SNX29: variants seen among roughly 807,000 people sequenced by gnomAD.
SNX29 encodes sorting nexin 29.
Under a neutral mutation model 102.1 loss-of-function variants are expected in SNX29, and 78 were observed. That is an observed-to-expected ratio of 0.76 (90% confidence interval 0.64 to 0.92). SNX29 has a LOEUF of 0.92. SNX29 is among the 40% of genes least tolerant of loss of function. The pLI is 0.00. For missense variants in SNX29, 1,280 were observed against 1,061.7 expected (o/e 1.21, Z -2.86); for synonymous variants, 580 against 414.5 (o/e 1.40, Z -4.85).
Position 12,559,576 on chromosome 16 carries a change from C to T in SNX29, c.2319-8930C>T, listed in dbSNP as rs187694322. Among the ~76,000 whole-genome samples, 72 of 152,072 alleles carry T rather than the reference C, an allele frequency of 4.7e-4. 1 individual carries two copies. In the South Asian group the frequency reaches 9.2e-3, roughly 19 times the overall value. On this transcript the variant is annotated intron_variant, in intron 20 of 20. Coordinates refer to ENST00000566228, the MANE Select transcript of SNX29 (RefSeq NM_032167.5). The stretch of plus-strand genomic sequence containing the variant: ...TGGAAAATTTTTCTTATACATAACT[C>T]ATCCCTGGTGCCAAAAAGGTTGGGG...
Position 12,129,754 on chromosome 16 carries a change from G to A in SNX29, c.1591G>A (p.Ala531Thr), listed in dbSNP as rs1253161618. 1.9e-6 allele frequency: 3 copies of A among 1,606,000 alleles called. No homozygotes were observed. Among genetic ancestry groups the A allele is most frequent in the Admixed American group, 1.7e-5 (1 of 59,192 alleles). The change falls in exon 13 of 21, where the codon GCC becomes ACC. Residue 531 changes from alanine (A) to threonine (T), a missense_variant. Coordinates refer to ENST00000566228, the MANE Select transcript of SNX29 (RefSeq NM_032167.5). ...ERQGMKVQAL[A>T]RENEVLKVQL... The stretch of plus-strand genomic sequence containing the variant: ...GCAGGGCATGAAGGTCCAGGCGCTG[G>A]CCAGGTAGGAGAGGGTGAGGGATGG...
intron 13 of SNX29, among the ~76,000 whole-genome samples, chr16:12,149,009 G>A (rs541784345): frequency 4.6e-5 from 7 of 152,210 alleles, no homozygotes; most frequent in South Asian, 2.1e-4. Flanking sequence ...GCCTGCCTTC[G>A]TCTCATTAGT....
Position 12,277,967 on chromosome 16 carries a change from A to G in SNX29, c.1713A>G (p.Thr571=), listed in dbSNP as rs201272095. 3,335 of 1,609,576 alleles carry G rather than the reference A, an allele frequency of 2.1e-3. 10 individuals carry two copies. Among genetic ancestry groups the G allele is most frequent in the South Asian group, 2.5e-3 (228 of 89,680 alleles). ...PNLWSVDGEV[T]VAEQKPGEIA... Reference sequence around the variant, plus strand: ...TTTGGAGTGTTGATGGAGAAGTTACAGTAGCTGAACAGAAGCCGGGAGAAA... The same window carrying G: ...TTTGGAGTGTTGATGGAGAAGTTACGGTAGCTGAACAGAAGCCGGGAGAAA... Residue 571 remains threonine, a synonymous_variant, in exon 15 of 21, where the codon ACA becomes ACG. Coordinates refer to ENST00000566228, the MANE Select transcript of SNX29 (RefSeq NM_032167.5).
At chr16:12,229,202 C>A (rs538233483) in intron 14 of SNX29, among the ~76,000 whole-genome samples, 30 of 152,368 alleles carry the variant, frequency 2.0e-4, no homozygotes, top group African/African-American at 7.2e-4. Flanking sequence ...CTCCACTAGT[C>A]TGTAAGCTCC....
chr16:12,472,825 G>T (rs992180864), intron 18 of SNX29, among the ~76,000 whole-genome samples: 1 of 152,096 alleles, frequency 6.6e-6, no homozygotes, highest in Admixed American at 6.5e-5. Flanking sequence ...ATTCTTCTCA[G>T]TGGAAAAGAA....
chr16:12,111,818 G>A (rs12596081), intron 11 of SNX29, among the ~76,000 whole-genome samples: 2 of 152,038 alleles, frequency 1.3e-5, no homozygotes, highest in African/African-American at 4.8e-5. Flanking sequence ...ATGGGAGTAC[G>A]GAGAGGTGAG....
rs74879870 is a variant in SNX29, at chr16:11,984,718, A to G, written c.7+7905A>G. Among the ~76,000 whole-genome samples the G allele has an allele frequency of 9.7e-3, 1,474 of 152,080 alleles. 49 individuals carry two copies. Among genetic ancestry groups the G allele is most frequent in the East Asian group, 0.078 (402 of 5,172 alleles). On this transcript the variant is annotated intron_variant, in intron 1 of 20. Transcript: ENST00000566228. ...GCCCAGGCTGGAATGCAGTGGTGAT[A>G]CAATTATAGCTCACTGCAGCCTTGA...
At chr16:12,191,644 G>C (rs1347175653) in intron 13 of SNX29, among the ~76,000 whole-genome samples, 2 of 152,238 alleles carry the variant, frequency 1.3e-5, no homozygotes, top group Non-Finnish European at 2.9e-5. Context: ...TGATGCCTTA[G>C]AAAAGGTGGC....
intron 15 of SNX29, among the ~76,000 whole-genome samples, chr16:12,312,020 T>G (rs1388157290): frequency 6.6e-6 from 1 of 152,154 alleles, no homozygotes; most frequent in African/African-American, 2.4e-5. Context: ...GATCCAGAAG[T>G]TGCTCACATC....
chr16:12,248,478 G>A (rs1203110802), intron 14 of SNX29, among the ~76,000 whole-genome samples: 9 of 151,022 alleles, frequency 6.0e-5, no homozygotes, highest in African/African-American at 4.9e-5. Context: ...TCACTGCAAC[G>A]TCTGCCTCCT....
chr16:12,063,669 G>A (rs929828446), intron 9 of SNX29, among the ~76,000 whole-genome samples: 4 of 152,082 alleles, frequency 2.6e-5, no homozygotes, highest in Non-Finnish European at 4.4e-5. Flanking sequence ...ATGAGCCACC[G>A]TGCCCGGCCT....
intron 15 of SNX29, among the ~76,000 whole-genome samples, chr16:12,304,692 C>A (rs1483313479): frequency 6.6e-6 from 1 of 152,220 alleles, no homozygotes; most frequent in East Asian, 1.9e-4. Flanking sequence ...CACACCTGGC[C>A]AGCTTCACTT....
chr16:12,343,155 A>C (rs915167821), intron 15 of SNX29, among the ~76,000 whole-genome samples: 12 of 152,198 alleles, frequency 7.9e-5, no homozygotes, highest in African/African-American at 2.9e-4. Flanking sequence ...AACGCACACC[A>C]GCCTCCACTG....
intron 15 of SNX29, among the ~76,000 whole-genome samples, chr16:12,346,850 C>T (rs2081827224): frequency 6.6e-6 from 1 of 152,162 alleles, no homozygotes; most frequent in African/African-American, 2.4e-5. Context: ...GTAGCAGCTG[C>T]TGCTCTATGA....
intron 19 of SNX29, among the ~76,000 whole-genome samples, chr16:12,497,830 T>C (rs1347711375): frequency 3.3e-5 from 5 of 152,178 alleles, no homozygotes; most frequent in African/African-American, 1.2e-4. Flanking sequence ...TCAGCACTGA[T>C]GCTCTGTGGC....
At chr16:12,473,841 A>T (rs533147429) in intron 18 of SNX29, among the ~76,000 whole-genome samples, 1 of 152,220 alleles carries the variant, frequency 6.6e-6, no homozygotes, top group East Asian at 1.9e-4. Context: ...GTTACTCTAT[A>T]TGGTCTGAAA....
At chr16:11,978,555 G>A (rs527810779) in intron 1 of SNX29, among the ~76,000 whole-genome samples, 19 of 152,292 alleles carry the variant, frequency 1.2e-4, no homozygotes, top group Admixed American at 1.0e-3. Context: ...TGTTGTTTCT[G>A]CAAGAGCTCA....
intron 4 of SNX29, chr16:12,038,821 T>C (rs978673368): frequency 6.6e-6 from 1 of 152,256 alleles, no homozygotes; most frequent in Non-Finnish European, 1.5e-5. Context: ...GTGATGGACG[T>C]ACCGACAATG....
intron 20 of SNX29, among the ~76,000 whole-genome samples, chr16:12,531,910 C>T (rs924096880): frequency 1.3e-5 from 2 of 152,166 alleles, no homozygotes; most frequent in Non-Finnish European, 2.9e-5. Flanking sequence ...TCTCACGTCA[C>T]AAGAAAAACC....
Sources: allele counts gnomAD v4.1 joint callset (sites outside exome capture counted in the v4.1 genomes callset), GRCh38; gene constraint gnomAD v4.1.1; transcripts MANE v1.5; gene names NCBI Gene and HGNC (gene_info 2026-07-23, HGNC 2026-07-21).